Variants in NKAIN2 observed in about 807,000 individuals in gnomAD.
NKAIN2 encodes the protein sodium/potassium-transporting ATPase subunit beta-1-interacting protein 2.
NKAIN2 carries 14 observed loss-of-function variants against 32.6 expected under a neutral mutation model. The observed-to-expected ratio is 0.43, with a 90% CI of 0.28 to 0.67. The LOEUF is 0.67. Among genes scored for constraint, NKAIN2 ranks in the 30% least tolerant of loss-of-function variants. The pLI, the probability that NKAIN2 is intolerant of heterozygous loss-of-function variation, is 0.17. For synonymous variants in NKAIN2, 80 were observed against 87.2 expected (o/e 0.92, Z 0.46); for missense variants, 198 against 258.3 (o/e 0.77, Z 1.60).
intron 3 of NKAIN2, among the ~76,000 whole-genome samples, chr6:124,530,156 C>T (rs1386531544): frequency 6.6e-6 from 1 of 152,158 alleles, no homozygotes; most frequent in Non-Finnish European, 1.5e-5. Context: ...CTTTTAACTT[C>T]CCCAGAAACT....
At chr6:124,620,086 T>G (rs1459782983) in intron 3 of NKAIN2, among the ~76,000 whole-genome samples, 1 of 149,826 alleles carries the variant, frequency 6.7e-6, no homozygotes, top group South Asian at 2.1e-4. Context: ...GTCCTTTCCC[T>G]TTGATGTAAC....
intron 1 of NKAIN2, among the ~76,000 whole-genome samples, chr6:123,923,091 G>A (rs1457533840): frequency 1.3e-5 from 2 of 151,362 alleles, no homozygotes; most frequent in African/African-American, 4.9e-5. Flanking sequence ...GCCTGTAATA[G>A]TAACTACTTC....
intron 1 of NKAIN2, among the ~76,000 whole-genome samples, chr6:124,242,714 A>G (rs1793169265): frequency 1.3e-5 from 2 of 152,280 alleles, no homozygotes; most frequent in East Asian, 3.9e-4. Flanking sequence ...ATGCAGCCAT[A>G]AAAAAGGATG....
At chr6:124,261,758 G>A (rs1270382212) in intron 1 of NKAIN2, among the ~76,000 whole-genome samples, 2 of 151,908 alleles carry the variant, frequency 1.3e-5, no homozygotes, top group Non-Finnish European at 2.9e-5. Context: ...TACTCGGGAG[G>A]CTGAGGCAGG....
At chr6:124,082,088 C>T (rs75882411) in intron 1 of NKAIN2, among the ~76,000 whole-genome samples, 2 of 151,830 alleles carry the variant, frequency 1.3e-5, no homozygotes, top group Non-Finnish European at 2.9e-5. Flanking sequence ...GTAAATAACC[C>T]AAGCCTAGAA....
chr6:124,288,750 T>G (rs1795673905), intron 2 of NKAIN2, among the ~76,000 whole-genome samples: 1 of 152,190 alleles, frequency 6.6e-6, no homozygotes, highest in African/African-American at 2.4e-5. Flanking sequence ...ATTTGCTATT[T>G]GTAAAGAGTT....
At chr6:124,558,271 A>G (rs532208440) in intron 3 of NKAIN2, among the ~76,000 whole-genome samples, 1 of 152,318 alleles carries the variant, frequency 6.6e-6, no homozygotes, top group East Asian at 1.9e-4. Flanking sequence ...GGTATTCAGG[A>G]CATCATGGGC....
chr6:124,408,759 T>A (rs1345098558), intron 3 of NKAIN2, among the ~76,000 whole-genome samples: 2 of 152,198 alleles, frequency 1.3e-5, no homozygotes, highest in Non-Finnish European at 2.9e-5. Context: ...TTAATGGGGA[T>A]GGTATTGAAT....
At chr6:123,976,378 T>TTCCC (rs2036128419) in intron 1 of NKAIN2, among the ~76,000 whole-genome samples, 1 of 28,872 alleles carries the variant, frequency 3.5e-5, no homozygotes, top group Non-Finnish European at 6.8e-5. Context: ...TTCCCATATA[T>TTCCC]ATATATATAT....
intron 1 of NKAIN2, among the ~76,000 whole-genome samples, chr6:124,152,424 G>T (rs1787773949): frequency 6.6e-6 from 1 of 151,710 alleles, no homozygotes; most frequent in African/African-American, 2.4e-5. Flanking sequence ...AGATTGCCAT[G>T]GGGAAATGCA....
At chr6:124,095,427 T>C (rs1033949418) in intron 1 of NKAIN2, among the ~76,000 whole-genome samples, 2 of 152,174 alleles carry the variant, frequency 1.3e-5, no homozygotes, top group African/African-American at 4.8e-5. Flanking sequence ...GTGCATTACG[T>C]ACATGTATTT....
intron 3 of NKAIN2, among the ~76,000 whole-genome samples, chr6:124,455,664 A>G (rs1776291379): frequency 6.6e-6 from 1 of 151,870 alleles, no homozygotes; most frequent in African/African-American, 2.4e-5. Flanking sequence ...AAGAAAAATA[A>G]TGAATAAGAG....
chr6:124,439,628 CG>C lies in NKAIN2; in HGVS notation c.273+84282del, dbSNP rs1354930141. On this transcript the variant is annotated intron_variant, in intron 3 of 6. Transcript: ENST00000368417. ...GCTTGTTTTGTTTTGTATTTGTTTC[CG>C]TTTTTTTTTTAATCAGATCTGTGTT... Among the ~76,000 whole-genome samples the C allele has an allele frequency of 3.4e-5, 5 of 148,904 alleles. No homozygotes were observed. In the East Asian group the frequency reaches 9.8e-4, roughly 29 times the overall value.
intron 2 of NKAIN2, among the ~76,000 whole-genome samples, chr6:124,351,148 A>T (rs77191775): frequency 0.013 from 1,957 of 152,366 alleles, 43 homozygotes; most frequent in African/African-American, 0.044. Flanking sequence ...TCGTCTATAC[A>T]TAATGGCGTT....
chr6:124,123,736 T>C (rs1786008666), intron 1 of NKAIN2, among the ~76,000 whole-genome samples: 2 of 152,170 alleles, frequency 1.3e-5, no homozygotes, highest in South Asian at 4.1e-4. Context: ...ACCTCCTGAA[T>C]CATATACTAC....
chr6:123,834,640 C>G (rs1774536954), intron 1 of NKAIN2, among the ~76,000 whole-genome samples: 1 of 152,104 alleles, frequency 6.6e-6, no homozygotes, highest in Non-Finnish European at 1.5e-5. Context: ...AGCATCATAA[C>G]CTTGTTTTTA....
chr6:123,811,331 G>A (rs990062126), intron 1 of NKAIN2, among the ~76,000 whole-genome samples: 1 of 141,992 alleles, frequency 7.0e-6, no homozygotes, highest in Non-Finnish European at 1.5e-5. Context: ...CTCATGTCTG[G>A]TAATGCTAGA....
intron 5 of NKAIN2, among the ~76,000 whole-genome samples, chr6:124,805,608 G>A (rs1034990703): frequency 2.6e-5 from 4 of 152,208 alleles, no homozygotes; most frequent in African/African-American, 9.7e-5. Context: ...AAGGATCGCA[G>A]TTCCTCACCA....
chr6:124,615,166 T>C (rs1209561674), intron 3 of NKAIN2, among the ~76,000 whole-genome samples: 1 of 152,218 alleles, frequency 6.6e-6, no homozygotes, highest in Non-Finnish European at 1.5e-5. Context: ...TAAAACGTTA[T>C]CTTACATCCA....
Sources: gnomAD v4.1 joint callset for allele counts (sites outside exome capture counted in the v4.1 genomes callset) on GRCh38, gnomAD v4.1.1 for gene constraint, MANE v1.5 for transcripts, NCBI Gene and HGNC (gene_info 2026-07-23, HGNC 2026-07-21) for gene names.